The following GDF1 variants were observed in gnomAD, a reference collection of about 807,000 sequenced individuals.
GDF1 encodes the protein growth differentiation factor 1, also known as embryonic growth/differentiation factor 1.
GDF1 carries 8 observed loss-of-function variants against 7.4 expected under a neutral mutation model. The observed-to-expected ratio is 1.09, with a 90% CI of 0.64 to 1.96. GDF1 has a LOEUF of 1.96. Ranked by LOEUF, GDF1 falls within the 30% of genes most tolerant of loss-of-function variation. The pLI is 0.00. For synonymous variants in GDF1, 311 were observed against 276.7 expected (o/e 1.12, Z -1.23); for missense variants, 574 against 551.5 (o/e 1.04, Z -0.41).
intron 3 of GDF1, 148 bp from the exon 4 acceptor site, chr19:18,880,583 C>T (rs978379725): frequency 5.5e-6 from 4 of 723,492 alleles, no homozygotes; most frequent in East Asian, 2.9e-5. Flanking sequence ...CCTGCCCTGC[C>T]CATCTCCACT....
chr19:18,872,544 T>G (rs1435079416), intron 6 of GDF1, among the ~76,000 whole-genome samples: 1 of 149,806 alleles, frequency 6.7e-6, no homozygotes, highest in East Asian at 2.0e-4. Context: ...AGACGAAGTC[T>G]CGCTCTTGTC....
rs2056104210 is a variant in GDF1 at position 18,878,386 on chromosome 19, C to G, written c.-313+544G>C. On this transcript the variant is annotated intron_variant, in intron 6 of 7. Transcript: ENST00000247005. This position sits in a 1 kb window ranked among gnomAD's most constrained non-coding sequence, Gnocchi z 4.6. ...TCGTGGGCTATCTCCTTCCCCAGGA[C>G]TCCCACCTGGGCTGGACTGAGTCTG... is the stretch of plus-strand genomic sequence containing the variant. 2 of 986,842 alleles carry G rather than the reference C, an allele frequency of 2.0e-6. No individual in the cohort carries two copies. Among genetic ancestry groups the G allele is most frequent in the South Asian group, 4.7e-5 (1 of 21,386 alleles). The allele number at this position is 986,842 out of a possible 1,614,324, so 61.1% of individuals were successfully genotyped here. A position where few individuals can be genotyped will look rare whatever the true frequency, so the allele number is the denominator to read the frequency against.
In GDF1 at chr19:18,878,821, A is replaced by G; in HGVS notation, c.-313+109T>C. On this transcript the variant is annotated intron_variant, in intron 6 of 7. Transcript: ENST00000247005. The surrounding 1 kb of genome is among the most constrained non-coding windows in gnomAD (Gnocchi z 4.6). ...TTTTGGAGTAGGCTTGGGGGGCAGC[A>G]TCCGCGTCGGCCTCATCTGCTGCTG... The G allele has an allele frequency of 6.7e-7, 1 of 1,502,204 alleles. No individual in the cohort carries two copies. Among genetic ancestry groups the G allele is most frequent in the South Asian group, 1.3e-5 (1 of 78,356 alleles). The allele number at this position is 1,502,204 out of a possible 1,614,324, so 93.1% of individuals were successfully genotyped here. A position where few individuals can be genotyped will look rare whatever the true frequency, so the allele number is the denominator to read the frequency against.
intron 1 of GDF1, among the ~76,000 whole-genome samples, chr19:18,894,181 G>A (rs1017755240): frequency 4.2e-5 from 6 of 142,210 alleles, no homozygotes; most frequent in African/African-American, 1.5e-4. Context: ...GGCGAGGTGA[G>A]ACCCTGAGGG....
chr19:18,881,900 CCCGGG>C (rs1406133379), intron 3 of GDF1: 1 of 152,254 alleles, frequency 6.6e-6, no homozygotes, highest in African/African-American at 2.4e-5. Flanking sequence ...ACCTCTGCCT[CCCGGG>C]TTCAAGCGAT....
rs980833631 is a variant in GDF1 at position 18,870,783 on chromosome 19, T to C, written c.-312-164A>G. Among the ~76,000 whole-genome samples the C allele has an allele frequency of 2.6e-5, 4 of 151,994 alleles. No homozygotes were observed. The highest frequency in any genetic ancestry group is 7.3e-5 in the African/African-American group (3 of 41,366). ...TCCTCGCCTTCACCCTGCCCCTCCTTGCCTTCACCCTGCCCCTCCTTCAAC... is the reference window on the plus strand; with the variant it reads ...TCCTCGCCTTCACCCTGCCCCTCCTCGCCTTCACCCTGCCCCTCCTTCAAC... On this transcript the variant is annotated intron_variant, in intron 6 of 7. Transcript: ENST00000247005. This position sits in a 1 kb window ranked among gnomAD's most constrained non-coding sequence, Gnocchi z 5.1.
At chr19:18,880,765 C>A (rs1048332242) in intron 3 of GDF1, among the ~76,000 whole-genome samples, 11 of 151,974 alleles carry the variant, frequency 7.2e-5, no homozygotes, top group East Asian at 5.8e-4. Flanking sequence ...GTGGTGTGAT[C>A]GGGCCCACTG....
intron 2 of GDF1, among the ~76,000 whole-genome samples, chr19:18,888,238 A>T (rs76950067): frequency 0.017 from 2,581 of 152,174 alleles, 72 homozygotes; most frequent in African/African-American, 0.055. Context: ...ACACACCTGT[A>T]GTCCCAGCTA....
In GDF1 at chr19:18,870,234, G is replaced by A. The variant is rs2055943285; in HGVS notation, c.74C>T (p.Pro25Leu). Residue 25 changes from proline (P) to leucine (L), a missense_variant, in exon 7 of 8, where the codon CCC (proline) becomes CTC (leucine). Physicochemically the swap from Pro to Leu is moderately conservative, Grantham distance 98 (BLOSUM62 -3). Coordinates refer to ENST00000247005, the MANE Select transcript of GDF1 (RefSeq NM_001492.6). The surrounding 1 kb of genome is among the most constrained non-coding windows in gnomAD (Gnocchi z 5.1). ...TGGGGGCACGGGGGCGCGGGTCAGGGGCAGCGAGGGCAGCAGCAGGGCCAG... is the reference window on the plus strand; with the variant it reads ...TGGGGGCACGGGGGCGCGGGTCAGGAGCAGCGAGGGCAGCAGCAGGGCCAG... ...LLLALLLPSLPLTRAPVPPGP... is the reference protein window; with the variant it reads ...LLLALLLPSLLLTRAPVPPGP... 4 of 1,552,718 alleles carry A rather than the reference G, an allele frequency of 2.6e-6. No homozygotes were observed. Among genetic ancestry groups the A allele is most frequent in the Non-Finnish European group, 3.5e-6 (4 of 1,152,580 alleles).
chr19:18,895,843 G>A lies in GDF1; in HGVS notation c.-1093C>T. 3.1e-6 allele frequency: 4 copies of A among 1,295,560 alleles called. No homozygotes were observed. Among genetic ancestry groups the A allele is most frequent in the South Asian group, 2.0e-5 (1 of 51,130 alleles). The allele number at this position is 1,295,560 out of a possible 1,614,324, so 80.3% of individuals were successfully genotyped here. ...ACTGACCCGAAAGAGGCGCGCAGTG[G>A]CCGCGGAGCGCAGGGCGGTCCAGCC... On this transcript the variant is annotated 5_prime_UTR_variant, in exon 1 of 8. Transcript: ENST00000247005. The surrounding 1 kb of genome is among the most constrained non-coding windows in gnomAD (Gnocchi z 6.4).
intron 4 of GDF1, 43 bp from the exon 5 acceptor site, chr19:18,879,431 G>A (rs377045398): frequency 1.6e-5 from 25 of 1,546,020 alleles, no homozygotes; most frequent in Non-Finnish European, 2.2e-5. Flanking sequence ...GAGGGGGACG[G>A]TGCCCTACCC....
rs1025578709 is a variant in GDF1 at position 18,886,321 on chromosome 19, G to T, written c.-913-2054C>A. 2.6e-5 allele frequency among the ~76,000 whole-genome samples: 4 copies of T among 152,080 alleles called. No homozygotes were observed. In the East Asian group the frequency reaches 7.7e-4, roughly 29 times the overall value. On this transcript the variant is annotated intron_variant, in intron 2 of 7. Coordinates refer to ENST00000247005, the MANE Select transcript of GDF1 (RefSeq NM_001492.6). Reference sequence around the variant, plus strand: ...TCCCAGCACTTTGGGAGGCCGAGGCGGGCGGATCACAAGGTCAGGAGATCA... The same window carrying T: ...TCCCAGCACTTTGGGAGGCCGAGGCTGGCGGATCACAAGGTCAGGAGATCA...
chr19:18,872,672 C>T (rs187565598), intron 6 of GDF1, among the ~76,000 whole-genome samples: 5 of 99,426 alleles, frequency 5.0e-5, no homozygotes, highest in African/African-American at 7.7e-5. Flanking sequence ...CCTGCCACCA[C>T]GCCCAGATAA....
rs181918871 is a variant in GDF1, at chr19:18,869,328, C to T, written c.388G>A (p.Val130Ile). Reference protein sequence around the residue: ...AAGHCPEWTVVFDLSAVEPAE... With the variant: ...AAGHCPEWTVIFDLSAVEPAE... Reference sequence around the variant, plus strand: ...GGTTCCACAGCCGACAGGTCGAAGACGACTGTCCACTCAGGGCAATGCCCC... The same window carrying T: ...GGTTCCACAGCCGACAGGTCGAAGATGACTGTCCACTCAGGGCAATGCCCC... Residue 130 changes from valine (V) to isoleucine (I), a missense_variant, in exon 8 of 8, where the codon GTC becomes ATC. Coordinates refer to ENST00000247005, the MANE Select transcript of GDF1 (RefSeq NM_001492.6). 8.5e-4 allele frequency: 1,301 copies of T among 1,528,002 alleles called. 10 individuals are homozygous for T. The African/African-American group carries it at 0.016, about 19-fold the overall frequency. The allele number at this position is 1,528,002 out of a possible 1,614,324, so 94.7% of individuals were successfully genotyped here. A position where few individuals can be genotyped will look rare whatever the true frequency, so the allele number is the denominator to read the frequency against.
At chr19:18,884,709 CTTTTT>C (rs36074874) in intron 2 of GDF1, among the ~76,000 whole-genome samples, 3 of 69,134 alleles carry the variant, frequency 4.3e-5, no homozygotes, top group African/African-American at 1.2e-4. Context: ...GCCCAGCCGT[CTTTTT>C]TTTTTTTTTT....
intron 1 of GDF1, among the ~76,000 whole-genome samples, chr19:18,894,404 C>T (rs1015259907): frequency 6.6e-6 from 1 of 152,128 alleles, no homozygotes; most frequent in Non-Finnish European, 1.5e-5. Flanking sequence ...TAACCCCTGG[C>T]AACCAGGCTG....
chr19:18,882,417 G>T (rs986381004), intron 3 of GDF1, among the ~76,000 whole-genome samples: 5 of 151,550 alleles, frequency 3.3e-5, no homozygotes, highest in African/African-American at 1.2e-4. Flanking sequence ...TGGATCACTT[G>T]AGGTCAGGAG....
chr19:18,870,063 G>A lies in GDF1; in HGVS notation c.245C>T (p.Ser82Phe). The A allele has an allele frequency of 6.3e-7, 1 of 1,585,204 alleles. No homozygotes were observed. The highest frequency in any genetic ancestry group is 8.5e-7 in the Non-Finnish European group (1 of 1,170,556). Residue 82 changes from serine to phenylalanine, a missense_variant, in exon 7 of 8, where the codon TCC becomes TTC. Physicochemically the swap from Ser to Phe is radical, Grantham distance 155. Coordinates refer to ENST00000247005, the MANE Select transcript of GDF1 (RefSeq NM_001492.6). This position sits in a 1 kb window ranked among gnomAD's most constrained non-coding sequence, Gnocchi z 5.1. Reference sequence around the variant, plus strand: ...GCACGGTTGCAGGGTGACCCCTGGGGACGTCCGCCGCGAGCCAGACCTGGT... The same window carrying A: ...GCACGGTTGCAGGGTGACCCCTGGGAACGTCCGCCGCGAGCCAGACCTGGT... ...QETRSGSRRT[S>F]PGVTLQPCHV...
chr19:18,869,404 A>G lies in GDF1; in HGVS notation c.326-14T>C, dbSNP rs4808864. ...GGGTGGGCGCACCTGGGGAGGTAGG[A>G]ACAGGAACTCGGCTCGCGCTGCGTC... On this transcript the variant is annotated splice_polypyrimidine_tract_variant and intron_variant, in intron 7 of 7. Transcript: ENST00000247005. The G allele has an allele frequency of 1, 1,527,884 of 1,528,212 alleles. 763,778 individuals carry two copies. The highest frequency in any genetic ancestry group is 1 in the Middle Eastern group (4,334 of 4,334). The allele number at this position is 1,528,212 out of a possible 1,614,324, so 94.7% of individuals were successfully genotyped here.
Sources: gnomAD v4.1 joint callset for allele counts (sites outside exome capture counted in the v4.1 genomes callset) on GRCh38, gnomAD v4.1.1 for gene constraint, Gnocchi (gnomAD v3.1) non-coding constraint, MANE v1.5 for transcripts, NCBI Gene and HGNC (gene_info 2026-07-23, HGNC 2026-07-21) for gene names.